The following MYO5B variants were observed in gnomAD, a reference collection of about 807,000 sequenced individuals.
MYO5B encodes the protein unconventional myosin-Vb.
In MYO5B, 143 loss-of-function variants were observed where a neutral mutation model predicts 229.3. The observed-to-expected ratio is 0.62, with a 90% CI of 0.54 to 0.72. The LOEUF (loss-of-function observed/expected upper bound fraction) is 0.72. Ranked by LOEUF, MYO5B falls within the 30% of genes least tolerant of loss-of-function variation. The probability of loss-of-function intolerance (pLI) is 0.00; values close to 1 mark genes in which losing one functional copy is unlikely to be tolerated. For missense variants in MYO5B, 2,321 were observed against 2,331.0 expected (o/e 1.00, Z 0.09); for synonymous variants, 918 against 885.2 (o/e 1.04, Z -0.66).
chr18:50,057,348 A>G (rs368912423), intron 1 of MYO5B, among the ~76,000 whole-genome samples: 1 of 152,220 alleles, frequency 6.6e-6, no homozygotes, highest in Non-Finnish European at 1.5e-5. Flanking sequence ...AGAAATTTTT[A>G]CCTAAAGCAA....
intron 18 of MYO5B, among the ~76,000 whole-genome samples, chr18:49,910,627 A>G (rs1435768410): frequency 6.6e-6 from 1 of 152,164 alleles, no homozygotes; most frequent in East Asian, 1.9e-4. Flanking sequence ...TCTTTTTAAA[A>G]AGGCAAATTT....
intron 1 of MYO5B, among the ~76,000 whole-genome samples, chr18:50,157,860 G>A (rs1461855732): frequency 6.6e-6 from 1 of 152,182 alleles, no homozygotes; most frequent in Non-Finnish European, 1.5e-5. Context: ...GCCTGGAATA[G>A]AATAAGCACT....
At chr18:49,875,979 C>G (rs1471875389) in intron 25 of MYO5B, 152 bp from the exon 26 acceptor site, 1 of 915,644 alleles carries the variant, frequency 1.1e-6, no homozygotes, top group African/African-American at 1.6e-5. Flanking sequence ...CCAATGACAA[C>G]CAACTAACAT....
intron 1 of MYO5B, among the ~76,000 whole-genome samples, chr18:50,089,588 A>C (rs1302282449): frequency 6.6e-6 from 1 of 152,044 alleles, no homozygotes; most frequent in Non-Finnish European, 1.5e-5. Flanking sequence ...AAAAAAAAAA[A>C]AAATCAAAAA....
intron 1 of MYO5B, among the ~76,000 whole-genome samples, chr18:50,115,960 G>A (rs2031955375): frequency 6.6e-6 from 1 of 152,128 alleles, no homozygotes; most frequent in Non-Finnish European, 1.5e-5. Context: ...AGATGCATGA[G>A]GAAAGAAACT....
intron 12 of MYO5B, among the ~76,000 whole-genome samples, chr18:49,956,284 T>C (rs372810323): frequency 2.0e-5 from 3 of 152,340 alleles, no homozygotes; most frequent in Admixed American, 6.5e-5. Flanking sequence ...TTAACCCTCA[T>C]ACAATCATGT....
chr18:50,106,529 C>T (rs887598483), intron 1 of MYO5B, among the ~76,000 whole-genome samples: 3 of 152,140 alleles, frequency 2.0e-5, no homozygotes, highest in African/African-American at 7.2e-5. Flanking sequence ...CTTTCATTTC[C>T]CTAAATGCTT....
chr18:49,906,698 C>T, intron 18 of MYO5B, 68 bp from the exon 19 acceptor site: 6 of 1,356,460 alleles, frequency 4.4e-6, no homozygotes, highest in Non-Finnish European at 6.3e-6. Flanking sequence ...CCCATACCAC[C>T]CTTGTTCTTC....
intron 1 of MYO5B, among the ~76,000 whole-genome samples, chr18:50,129,247 T>C (rs1270763900): frequency 6.6e-6 from 1 of 152,152 alleles, no homozygotes; most frequent in Non-Finnish European, 1.5e-5. Flanking sequence ...TTATCTCACA[T>C]TTACAATCCC....
intron 2 of MYO5B, 43 bp downstream of exon 2, chr18:50,055,225 G>GGCCCCCCCCCCCCCCCCCCCCCCCCC: frequency 2.9e-6 from 2 of 700,374 alleles, no homozygotes; most frequent in East Asian, 2.7e-5. Flanking sequence ...TGAGCTCCCT[G>GGCCCCCCCCCCCCCCCCCCCCCCCCC]CCCCACCTCA....
At chr18:49,848,665 G>A (rs981659449) in intron 32 of MYO5B, among the ~76,000 whole-genome samples, 4 of 152,164 alleles carry the variant, frequency 2.6e-5, no homozygotes, top group Non-Finnish European at 5.9e-5. Flanking sequence ...ACAAGGGTAG[G>A]GGCAGACACA....
chr18:50,106,188 C>T (rs2144509911), intron 1 of MYO5B, among the ~76,000 whole-genome samples: 1 of 152,246 alleles, frequency 6.6e-6, no homozygotes, highest in African/African-American at 2.4e-5. Flanking sequence ...CGATTCTCTC[C>T]CAAATCTGTT....
chr18:50,039,505 G>A (rs1281553001), intron 3 of MYO5B, among the ~76,000 whole-genome samples: 1 of 151,960 alleles, frequency 6.6e-6, no homozygotes, highest in Non-Finnish European at 1.5e-5. Context: ...CTAATTTTTT[G>A]TACTTTTAGT....
chr18:50,127,047 A>G lies in MYO5B; in HGVS notation c.27+67720T>C, dbSNP rs111724793. Among the ~76,000 whole-genome samples the G allele has an allele frequency of 1.2e-3, 185 of 152,246 alleles. 1 individual carries two copies. The highest frequency in any genetic ancestry group is 4.3e-3 in the African/African-American group (178 of 41,536). ...TCATAATCATTATTACCTTATTCCAACCTCATAAGACCCAAGAGGCAGGTG... is the reference window on the plus strand; with the variant it reads ...TCATAATCATTATTACCTTATTCCAGCCTCATAAGACCCAAGAGGCAGGTG... On this transcript the variant is annotated intron_variant, in intron 1 of 39. Transcript: ENST00000285039.
intron 29 of MYO5B, among the ~76,000 whole-genome samples, chr18:49,859,704 C>G (rs1201951217): frequency 3.3e-5 from 5 of 152,182 alleles, no homozygotes. Flanking sequence ...GCTGCCAACT[C>G]AGGACCAGCA....
chr18:49,961,975 T>C lies in MYO5B; in HGVS notation c.1545+291A>G, dbSNP rs17715399. ...TGCAGTTCTTCTCTTGGCACCTAGG[T>C]CACCTGGGACATCAAGTCCAAACCA... is the stretch of plus-strand genomic sequence containing the variant. On this transcript the variant is annotated intron_variant, in intron 12 of 39. Transcript: ENST00000285039. 0.47 allele frequency among the ~76,000 whole-genome samples: 71,299 copies of C among 152,004 alleles called. 16,878 individuals carry two copies. Among genetic ancestry groups the C allele is most frequent in the South Asian group, 0.56 (2,723 of 4,820 alleles).
intron 1 of MYO5B, among the ~76,000 whole-genome samples, chr18:50,074,378 A>T (rs1398938820): frequency 6.6e-6 from 1 of 152,164 alleles, no homozygotes; most frequent in Non-Finnish European, 1.5e-5. Context: ...TGCATTTCCT[A>T]AACAGCAGTC....
chr18:50,184,173 A>C (rs1225576281), intron 1 of MYO5B, among the ~76,000 whole-genome samples: 1 of 152,216 alleles, frequency 6.6e-6, no homozygotes, highest in African/African-American at 2.4e-5. Context: ...ACATGGCCTA[A>C]GGAAAACCAA....
At chr18:50,142,960 C>A (rs2032440431) in intron 1 of MYO5B, among the ~76,000 whole-genome samples, 1 of 152,220 alleles carries the variant, frequency 6.6e-6, no homozygotes, top group African/African-American at 2.4e-5. Flanking sequence ...ATCACAGAAA[C>A]TCCTGATGAA....
Sources: gnomAD v4.1 joint callset for allele counts (sites outside exome capture counted in the v4.1 genomes callset) on GRCh38, gnomAD v4.1.1 for gene constraint, MANE v1.5 for transcripts, NCBI Gene and HGNC (gene_info 2026-07-23, HGNC 2026-07-21) for gene names.